The following HS6ST3 variants were observed in gnomAD, a reference collection of about 807,000 sequenced individuals.
The protein encoded by HS6ST3 is heparan-sulfate 6-O-sulfotransferase 3.
In HS6ST3, 12 loss-of-function variants were observed where a neutral mutation model predicts 36.7. That is an observed-to-expected ratio of 0.33 (90% CI 0.21 to 0.53). The LOEUF (loss-of-function observed/expected upper bound fraction) is 0.53, where lower values mean the gene tolerates loss of function less well. Among genes scored for constraint, HS6ST3 ranks in the 20% least tolerant of loss-of-function variants. The pLI, the probability that HS6ST3 is intolerant of heterozygous loss-of-function variation, is 0.95. For synonymous variants in HS6ST3, 240 were observed against 257.5 expected (o/e 0.93, Z 0.65); for missense variants, 584 against 640.9 (o/e 0.91, Z 0.96).
At chr13:96,557,467 C>A (rs1356823226) in intron 1 of HS6ST3, among the ~76,000 whole-genome samples, 1 of 152,174 alleles carries the variant, frequency 6.6e-6, no homozygotes, top group Non-Finnish European at 1.5e-5. Context: ...GAAAACCCAG[C>A]AAACTCAGAC....
At chr13:96,234,466 G>C (rs1052280448) in intron 1 of HS6ST3, among the ~76,000 whole-genome samples, 1 of 152,196 alleles carries the variant, frequency 6.6e-6, no homozygotes. Context: ...ACATACCCAA[G>C]ACTGGGTAAT....
In HS6ST3 at chr13:96,775,903, C is replaced by G. The variant is rs145361712; in HGVS notation, c.708-56587C>G. 3.7e-3 allele frequency among the ~76,000 whole-genome samples: 560 copies of G among 152,294 alleles called. 1 individual carries two copies. Among genetic ancestry groups the G allele is most frequent in the Admixed American group, 0.01 (159 of 15,282 alleles). ...TGAGTATACATTCTTCTCAGCACCA[C>G]ATCGCAATGATTCTAAAATTGACCA... On this transcript the variant is annotated intron_variant, in intron 1 of 1. Coordinates refer to ENST00000376705, the MANE Select transcript of HS6ST3 (RefSeq NM_153456.4).
intron 1 of HS6ST3, among the ~76,000 whole-genome samples, chr13:96,181,906 T>A (rs1325676740): frequency 6.6e-6 from 1 of 152,228 alleles, no homozygotes; most frequent in African/African-American, 2.4e-5. Context: ...ACTTGATGAT[T>A]TTTACGCAGT....
At chr13:96,423,766 G>A (rs1288634224) in intron 1 of HS6ST3, among the ~76,000 whole-genome samples, 1 of 152,018 alleles carries the variant, frequency 6.6e-6, no homozygotes, top group African/African-American at 2.4e-5. Context: ...TTCCTCTAAC[G>A]TAGGTTTTAG....
intron 1 of HS6ST3, among the ~76,000 whole-genome samples, chr13:96,140,339 A>G (rs1274961495): frequency 6.6e-6 from 1 of 152,234 alleles, no homozygotes; most frequent in Non-Finnish European, 1.5e-5. Context: ...GTATAGGCTT[A>G]AAACACTGTG....
intron 1 of HS6ST3, among the ~76,000 whole-genome samples, chr13:96,123,087 A>C (rs1878347734): frequency 6.6e-6 from 1 of 152,142 alleles, no homozygotes; most frequent in Admixed American, 6.5e-5. Context: ...TATATACCCC[A>C]TCTATTCTGT....
intron 1 of HS6ST3, among the ~76,000 whole-genome samples, chr13:96,734,737 T>C (rs984932764): frequency 2.6e-5 from 4 of 152,216 alleles, no homozygotes; most frequent in Non-Finnish European, 5.9e-5. Context: ...AATGCAAAAC[T>C]GAAATGAGCA....
intron 1 of HS6ST3, among the ~76,000 whole-genome samples, chr13:96,443,697 A>C (rs2139481645): frequency 6.6e-6 from 1 of 152,144 alleles, no homozygotes; most frequent in Admixed American, 6.5e-5. Flanking sequence ...CTTGTATACC[A>C]CTCTATTGCC....
chr13:96,335,046 C>T (rs1260942661), intron 1 of HS6ST3, among the ~76,000 whole-genome samples: 1 of 152,066 alleles, frequency 6.6e-6, no homozygotes, highest in Non-Finnish European at 1.5e-5. Flanking sequence ...ACAAATTGGG[C>T]TGGGGGCTGG....
rs543522034 is a variant in HS6ST3 at position 96,831,627 on chromosome 13, A to G, written c.708-863A>G. Among the ~76,000 whole-genome samples the G allele has an allele frequency of 2.7e-4, 41 of 152,092 alleles. 1 individual carries two copies. Among genetic ancestry groups the G allele is most frequent in the African/African-American group, 8.9e-4 (37 of 41,474 alleles). On this transcript the variant is annotated intron_variant, in intron 1 of 1. Transcript: ENST00000376705. ...CACCCAACGCATCCTTCCTCAACCA[A>G]CCTACCTCATAATCCCAAGTAGCAG... is the stretch of plus-strand genomic sequence containing the variant.
chr13:96,773,830 A>G (rs1877328916), intron 1 of HS6ST3, among the ~76,000 whole-genome samples: 3 of 152,196 alleles, frequency 2.0e-5, no homozygotes, highest in Non-Finnish European at 4.4e-5. Context: ...AGCTCTGCTA[A>G]GGGACAGACT....
chr13:96,099,521 A>C (rs1359099390), intron 1 of HS6ST3, among the ~76,000 whole-genome samples: 1 of 152,238 alleles, frequency 6.6e-6, no homozygotes, highest in Non-Finnish European at 1.5e-5. Flanking sequence ...ATGTTTAAAC[A>C]TATACAATTA....
chr13:96,585,325 T>A (rs1215277336), intron 1 of HS6ST3, among the ~76,000 whole-genome samples: 2 of 152,206 alleles, frequency 1.3e-5, no homozygotes, highest in Non-Finnish European at 2.9e-5. Flanking sequence ...ATCATAAGTA[T>A]GCAATTCAAT....
chr13:96,272,354 T>C (rs1566308116), intron 1 of HS6ST3, among the ~76,000 whole-genome samples: 2 of 151,986 alleles, frequency 1.3e-5, no homozygotes, highest in Non-Finnish European at 2.9e-5. Flanking sequence ...TTTAAAATAT[T>C]CTGTGAGAGA....
intron 1 of HS6ST3, among the ~76,000 whole-genome samples, chr13:96,675,107 T>G (rs1177566419): frequency 1.3e-5 from 2 of 152,118 alleles, no homozygotes. Context: ...TCCTGATCTT[T>G]GAAAAGCTAA....
intron 1 of HS6ST3, among the ~76,000 whole-genome samples, chr13:96,743,622 T>A (rs1382004508): frequency 6.6e-6 from 1 of 152,084 alleles, no homozygotes; most frequent in Non-Finnish European, 1.5e-5. Context: ...TTCTAGTCTT[T>A]CTGAAGCTCT....
At chr13:96,817,672 A>T (rs1269555615) in intron 1 of HS6ST3, among the ~76,000 whole-genome samples, 1 of 152,040 alleles carries the variant, frequency 6.6e-6, no homozygotes, top group Non-Finnish European at 1.5e-5. Context: ...TGCTTGCTTT[A>T]TGTGTATGCT....
Position 96,745,259 on chromosome 13 carries a change from C to T in HS6ST3, c.708-87231C>T, listed in dbSNP as rs187357574. Among the ~76,000 whole-genome samples, 8 of 152,126 alleles carry T rather than the reference C, an allele frequency of 5.3e-5. 1 individual carries two copies. Among genetic ancestry groups the T allele is most frequent in the Admixed American group, 4.6e-4 (7 of 15,258 alleles). ...CACCTTCTAGATCAAACATTATAGC[C>T]TCAATTATTTTAAGCTATCCTCAAT... On this transcript the variant is annotated intron_variant, in intron 1 of 1. Transcript: ENST00000376705.
chr13:96,761,810 A>C (rs1283230379), intron 1 of HS6ST3, among the ~76,000 whole-genome samples: 4 of 152,188 alleles, frequency 2.6e-5, no homozygotes, highest in Non-Finnish European at 5.9e-5. Context: ...ACACACACAC[A>C]TACACATATT....
Sources: allele counts gnomAD v4.1 joint callset (sites outside exome capture counted in the v4.1 genomes callset), GRCh38; gene constraint gnomAD v4.1.1; transcripts MANE v1.5; gene names NCBI Gene and HGNC (gene_info 2026-07-23, HGNC 2026-07-21).